Variants in MME observed in about 807,000 individuals in gnomAD.
MME encodes neprilysin.
Under a neutral mutation model 113.2 loss-of-function variants are expected in MME, and 98 were observed. That is an observed-to-expected ratio of 0.87 (90% CI 0.74 to 1.02). The LOEUF (loss-of-function observed/expected upper bound fraction) is 1.02. MME is among the 50% of genes least tolerant of loss of function. The pLI, the probability that MME is intolerant of heterozygous loss-of-function variation, is 0.00. For missense variants in MME, 836 were observed against 896.0 expected (o/e 0.93, Z 0.86); for synonymous variants, 292 against 300.6 (o/e 0.97, Z 0.30).
At chr3:155,168,888 C>T (rs776428834) in intron 20 of MME, 91 bp downstream of exon 20, 46 of 1,067,744 alleles carry the variant, frequency 4.3e-5, no homozygotes, top group Non-Finnish European at 6.0e-5. Flanking sequence ...AAAAAAGAAA[C>T]TCATATAAGC....
chr3:155,077,420 T>C (rs1429229988), upstream of MME, among the ~76,000 whole-genome samples: 1 of 152,162 alleles, frequency 6.6e-6, no homozygotes, highest in Non-Finnish European at 1.5e-5. Context: ...TCAGTAAGCC[T>C]CAGTTGTCTA....
At chr3:155,159,827 T>A (rs1157318940) in intron 16 of MME, among the ~76,000 whole-genome samples, 1 of 152,008 alleles carries the variant, frequency 6.6e-6, no homozygotes, top group Admixed American at 6.6e-5. Context: ...CAAAAATATA[T>A]CTTTGCTCAA....
intron 3 of MME, among the ~76,000 whole-genome samples, chr3:155,090,672 G>A (rs567044561): frequency 1.2e-4 from 18 of 152,268 alleles, no homozygotes; most frequent in South Asian, 2.1e-4. Flanking sequence ...TAAGACATAT[G>A]AGTTGTCTGT....
At chr3:155,178,101 C>G (rs115422103) in intron 22 of MME, among the ~76,000 whole-genome samples, 31 of 152,178 alleles carry the variant, frequency 2.0e-4, no homozygotes, top group African/African-American at 7.2e-4. Context: ...TTACTGGAAC[C>G]TACCCCATTC....
At chr3:155,170,192 G>A (rs1043455286) in intron 20 of MME, among the ~76,000 whole-genome samples, 19 of 152,166 alleles carry the variant, frequency 1.2e-4, no homozygotes, top group African/African-American at 4.6e-4. Flanking sequence ...TTACAGGCAT[G>A]TGCCACCACA....
chr3:155,119,008 C>G (rs946429994), intron 8 of MME, among the ~76,000 whole-genome samples, 197 bp downstream of exon 8: 1 of 152,100 alleles, frequency 6.6e-6, no homozygotes, highest in Non-Finnish European at 1.5e-5. Context: ...AGGTATTTTA[C>G]AAAACTAGGA....
In MME at chr3:155,090,767, GA is replaced by G. The variant is rs1323742820; in HGVS notation, c.196+5674del. On this transcript the variant is annotated intron_variant, in intron 3 of 22. Transcript: ENST00000360490. ...AAAGTGAAACCACAGATATGGGGGA[GA>G]CTACTGTACGCACATACTGATTTAA... Among the ~76,000 whole-genome samples the G allele has an allele frequency of 7.2e-5, 11 of 152,328 alleles. No homozygotes were observed. The East Asian group carries it at 2.1e-3, about 29-fold the overall frequency.
At chr3:155,179,322 C>A (rs1231468502) in intron 22 of MME, among the ~76,000 whole-genome samples, 2 of 152,108 alleles carry the variant, frequency 1.3e-5, no homozygotes, top group East Asian at 3.9e-4. Flanking sequence ...CATTGGAAGC[C>A]ATGGACAGGA....
At position 155,172,182 on chromosome 3, in the gene MME, C is replaced by T; in HGVS notation, c.2046C>T (p.His682=). The T allele has an allele frequency of 6.2e-7, 1 of 1,611,230 alleles. No individual in the cohort carries two copies. Among genetic ancestry groups the T allele is most frequent in the South Asian group, 1.1e-5 (1 of 91,014 alleles). The change falls in exon 21 of 23, where the codon CAC becomes CAT. Residue 682 remains histidine (H), a synonymous_variant. Transcript: ENST00000360490. ...TACTTCCTGGACTTGACCTAAATCACAAACAACTATTTTTCTTGAACTTTG... is the reference window on the plus strand; with the variant it reads ...TACTTCCTGGACTTGACCTAAATCATAAACAACTATTTTTCTTGAACTTTG... ...EKLLPGLDLN[H]KQLFFLNFAQ...
intron 3 of MME, chr3:155,090,043 A>G: frequency 3.8e-6 from 1 of 263,350 alleles, no homozygotes; most frequent in East Asian, 8.5e-5. Context: ...TCCAGAGGCC[A>G]GAGAAGCCAA....
chr3:155,144,442 G>C lies in MME; in HGVS notation c.1401G>C (p.Lys467Asn). 1 of 1,611,112 alleles carries C rather than the reference G, an allele frequency of 6.2e-7. No homozygotes were observed. Residue 467 changes from lysine to asparagine, a missense_variant, in exon 14 of 23, where the codon AAG becomes AAC. Lys to Asn is a moderately conservative substitution (Grantham distance 94, BLOSUM62 0). Coordinates refer to ENST00000360490, the MANE Select transcript of MME (RefSeq NM_007289.4). ...CTTGGATGGATGCCGAGACAAAAAAGAGAGCTGAAGAAAAGGTAAAGAGCA... is the reference window on the plus strand; with the variant it reads ...CTTGGATGGATGCCGAGACAAAAAACAGAGCTGAAGAAAAGGTAAAGAGCA... ...DLTWMDAETK[K>N]RAEEKALAIK... is the part of the protein sequence containing the mutation.
At chr3:155,072,950 T>C (rs767939112) in intron 1 of MME, among the ~76,000 whole-genome samples, 1 of 152,224 alleles carries the variant, frequency 6.6e-6, no homozygotes, top group Non-Finnish European at 1.5e-5. Flanking sequence ...TATCGTTTCC[T>C]TGGAAATCAA....
In MME at chr3:155,032,079, T is replaced by C. The variant is rs10513466; in HGVS notation, c.-11+7755T>C. ...TTAAGTAAAACCATTTTTCTAGATA[T>C]TGATGTGAGGTAACACCATAAATAT... On this transcript the variant is annotated intron_variant, in intron 1 of 22. Coordinates refer to the MME transcript ENST00000492661. Among the ~76,000 whole-genome samples, 271 of 152,344 alleles carry C rather than the reference T, an allele frequency of 1.8e-3. 1 individual carries two copies. Among genetic ancestry groups the C allele is most frequent in the African/African-American group, 6.4e-3 (266 of 41,588 alleles).
In MME at chr3:155,125,444, CTTTTTTTTTTT is replaced by C. The variant is rs1165027340; in HGVS notation, c.720+6651_720+6661del. Among the ~76,000 whole-genome samples, 381 of 65,334 alleles carry C rather than the reference CTTTTTTTTTTT, an allele frequency of 5.8e-3. 3 individuals are homozygous for C. Among genetic ancestry groups the C allele is most frequent in the African/African-American group, 0.023 (363 of 15,586 alleles). The allele number at this position is 65,334 out of a possible 152,430, so 42.9% of individuals were successfully genotyped here. A position where few individuals can be genotyped will look rare whatever the true frequency, so the allele number is the denominator to read the frequency against. ...TATTCGGCCAACTTGGCTCCTCCTC[CTTTTTTTTTTT>C]TTTTTTTTTTTTTTTTTGAGACAGA... On this transcript the variant is annotated intron_variant, in intron 8 of 22. Transcript: ENST00000360490.
At chr3:155,172,867 T>G (rs1018168505) in intron 22 of MME, among the ~76,000 whole-genome samples, 5 of 152,106 alleles carry the variant, frequency 3.3e-5, no homozygotes, top group African/African-American at 1.2e-4. Context: ...GCTTGATCTA[T>G]TCCAACAAAG....
At chr3:155,078,667 G>A (rs1836913), upstream of MME, among the ~76,000 whole-genome samples, 37 of 142,958 alleles carry the variant, frequency 2.6e-4, no homozygotes, top group African/African-American at 5.2e-4. Flanking sequence ...GTATGTGTGT[G>A]TGTGTGTGTG....
At chr3:155,147,940 T>A (rs1721646317) in intron 15 of MME, among the ~76,000 whole-genome samples, 3 of 152,172 alleles carry the variant, frequency 2.0e-5, no homozygotes, top group African/African-American at 2.4e-5. Context: ...ACTTTTTCTT[T>A]TAAATGAGCT....
intron 3 of MME, among the ~76,000 whole-genome samples, chr3:155,109,059 C>T (rs1717943071): frequency 6.6e-6 from 1 of 152,128 alleles, no homozygotes; most frequent in African/African-American, 2.4e-5. Context: ...CAAGTTTCTT[C>T]TGAGAGGCCT....
intron 4 of MME, among the ~76,000 whole-genome samples, chr3:155,116,163 T>C (rs1718584029): frequency 6.6e-6 from 1 of 150,966 alleles, no homozygotes; most frequent in Non-Finnish European, 1.5e-5. Flanking sequence ...AAGTAACTGT[T>C]ACCTATGGCA....
Sources: gnomAD v4.1 joint callset for allele counts (sites outside exome capture counted in the v4.1 genomes callset) on GRCh38, gnomAD v4.1.1 for gene constraint, MANE v1.5 for transcripts, NCBI Gene and HGNC (gene_info 2026-07-23, HGNC 2026-07-21) for gene names.